The following RPTOR variants were observed in gnomAD, a reference collection of about 807,000 sequenced individuals.
The protein encoded by RPTOR is regulatory associated protein of MTOR complex 1.
A neutral mutation model predicts 169.9 loss-of-function variants in RPTOR; 21 were observed. The observed-to-expected ratio is 0.12, with a 90% CI of 0.09 to 0.18. The LOEUF (loss-of-function observed/expected upper bound fraction) is 0.18, where lower values mean the gene tolerates loss of function less well. RPTOR is among the 10% of genes least tolerant of loss of function. The pLI is 1.00. For synonymous variants in RPTOR, 732 were observed against 753.2 expected (o/e 0.97, Z 0.46); for missense variants, 1,133 against 1,855.9 (o/e 0.61, Z 7.16).
chr17:80,755,330 G>C (rs904405045), intron 6 of RPTOR, among the ~76,000 whole-genome samples: 3 of 152,186 alleles, frequency 2.0e-5, no homozygotes, highest in African/African-American at 7.2e-5. Flanking sequence ...GCTGGGTGTG[G>C]TAGCTCACAC....
chr17:80,876,251 C>CA (rs1426529451), intron 13 of RPTOR, among the ~76,000 whole-genome samples: 3 of 72,316 alleles, frequency 4.1e-5, no homozygotes, highest in Non-Finnish European at 7.8e-5. Context: ...GCCGGGTCTT[C>CA]CACCGAGCCC....
At chr17:80,918,289 G>C (rs967232096) in intron 21 of RPTOR, among the ~76,000 whole-genome samples, 1 of 152,234 alleles carries the variant, frequency 6.6e-6, no homozygotes, top group East Asian at 1.9e-4. Context: ...CGCCCATCCA[G>C]ACAGAGATGC....
intron 3 of RPTOR, among the ~76,000 whole-genome samples, chr17:80,663,447 A>T (rs896835295): frequency 6.7e-6 from 1 of 150,000 alleles, no homozygotes; most frequent in Non-Finnish European, 1.5e-5. Context: ...CTTTATTTAC[A>T]GTTTCCTCCA....
At chr17:80,611,832 T>G (rs186022767) in intron 1 of RPTOR, among the ~76,000 whole-genome samples, 1 of 151,966 alleles carries the variant, frequency 6.6e-6, no homozygotes, top group African/African-American at 2.4e-5. Flanking sequence ...CAGAGGTTTT[T>G]CCCCCCCTGT....
At position 80,823,449 on chromosome 17, in the gene RPTOR, G is replaced by A. The variant is rs962528474; in HGVS notation, c.1136+226G>A. ...CTTGGAGGGCCTTTTAGGACTGCAC[G>A]GGAGCAGCGGCCGGCTGAAGCCTCA... On this transcript the variant is annotated intron_variant, in intron 9 of 33. Coordinates refer to ENST00000306801, the MANE Select transcript of RPTOR (RefSeq NM_020761.3). This position sits in a 1 kb window ranked among gnomAD's most constrained non-coding sequence, Gnocchi z 4.5. 4.2e-5 allele frequency: 20 copies of A among 473,058 alleles called. No individual in the cohort carries two copies. Among genetic ancestry groups the A allele is most frequent in the South Asian group, 1.6e-4 (4 of 25,650 alleles). The allele number at this position is 473,058 out of a possible 1,614,324, so 29.3% of individuals were successfully genotyped here. A position where few individuals can be genotyped will look rare whatever the true frequency, so the allele number is the denominator to read the frequency against.
chr17:80,903,344 A>G (rs1162926945), intron 20 of RPTOR, among the ~76,000 whole-genome samples: 1 of 145,572 alleles, frequency 6.9e-6, no homozygotes, highest in East Asian at 1.9e-4. Context: ...GGGAGCCAGA[A>G]CTACTGCCTT....
chr17:80,806,916 A>T (rs986322223), intron 7 of RPTOR, among the ~76,000 whole-genome samples: 1 of 152,138 alleles, frequency 6.6e-6, no homozygotes, highest in Admixed American at 6.5e-5. Context: ...TTAAAAACTC[A>T]TTTCCCTTTT....
chr17:80,921,300 G>A (rs1237685195), intron 21 of RPTOR, among the ~76,000 whole-genome samples: 1 of 152,248 alleles, frequency 6.6e-6, no homozygotes, highest in Admixed American at 6.5e-5. Context: ...GGATCAGTGG[G>A]CACCTTCATG....
At chr17:80,833,702 C>T (rs10468605) in intron 9 of RPTOR, among the ~76,000 whole-genome samples, 74,611 of 152,162 alleles carry the variant, frequency 0.49, 20,379 homozygotes, top group Non-Finnish European at 0.61. Context: ...AAAAGGTTGC[C>T]GTGCAGGCCG....
At position 80,959,987 on chromosome 17, in the gene RPTOR, C is replaced by A; in HGVS notation, c.3478-91C>A. 8.6e-6 allele frequency: 13 copies of A among 1,510,462 alleles called. No homozygotes were observed. Among genetic ancestry groups the A allele is most frequent in the East Asian group, 6.8e-5 (3 of 43,984 alleles). The allele number at this position is 1,510,462 out of a possible 1,614,324, so 93.6% of individuals were successfully genotyped here. On this transcript the variant is annotated intron_variant, in intron 29 of 33. Transcript: ENST00000306801. The surrounding 1 kb of genome is among the most constrained non-coding windows in gnomAD (Gnocchi z 6.7). ...AGGGAGGGTGATCCCCACAGCCAGGCAGGCAGCAAGAGGGGTCCTGGCGCT... is the reference window on the plus strand; with the variant it reads ...AGGGAGGGTGATCCCCACAGCCAGGAAGGCAGCAAGAGGGGTCCTGGCGCT...
At position 80,708,255 on chromosome 17, in the gene RPTOR, AGTT is replaced by A. The variant is rs2066156148; in HGVS notation, c.507+260_507+262del. ...TTTATGTTCCCTCTGTAAGACCAGC[AGTT>A]GTTTGTAATTCTCCGAGGACAGACC... On this transcript the variant is annotated intron_variant, in intron 4 of 33. Coordinates refer to ENST00000306801, the MANE Select transcript of RPTOR (RefSeq NM_020761.3). The surrounding 1 kb of genome is among the most constrained non-coding windows in gnomAD (Gnocchi z 4.2). 6.6e-6 allele frequency among the ~76,000 whole-genome samples: 1 copy of A among 152,226 alleles called. No individual in the cohort carries two copies. Among genetic ancestry groups the A allele is most frequent in the Admixed American group, 6.5e-5 (1 of 15,282 alleles).
chr17:80,811,255 G>A (rs1046584409), intron 7 of RPTOR, among the ~76,000 whole-genome samples: 1 of 152,180 alleles, frequency 6.6e-6, no homozygotes, highest in Non-Finnish European at 1.5e-5. Flanking sequence ...TTGAGGAAGT[G>A]CGCTTCTAGA....
chr17:80,557,133 A>C, intron 1 of RPTOR, among the ~76,000 whole-genome samples: 1 of 152,016 alleles, frequency 6.6e-6, no homozygotes, highest in East Asian at 1.9e-4. Flanking sequence ...GACTCTTGAG[A>C]TGGATAAGAA....
intron 14 of RPTOR, 109 bp from the exon 15 acceptor site, chr17:80,883,310 A>G: frequency 1.0e-6 from 1 of 961,698 alleles, no homozygotes; most frequent in Non-Finnish European, 1.7e-6. Context: ...CGTTACTTTA[A>G]TTATGCGCCA....
chr17:80,887,252 G>A (rs1181847997), intron 17 of RPTOR, among the ~76,000 whole-genome samples: 1 of 138,044 alleles, frequency 7.2e-6, no homozygotes, highest in Non-Finnish European at 1.6e-5. Flanking sequence ...CGGGGGGTGC[G>A]CTGGCTCTGA....
At chr17:80,689,261 C>T (rs1198865094) in intron 3 of RPTOR, among the ~76,000 whole-genome samples, 2 of 152,204 alleles carry the variant, frequency 1.3e-5, no homozygotes, top group African/African-American at 4.8e-5. Context: ...CAACATTATT[C>T]CTAGAGAGGT....
At chr17:80,770,931 C>T (rs966290879) in intron 6 of RPTOR, among the ~76,000 whole-genome samples, 3 of 152,246 alleles carry the variant, frequency 2.0e-5, no homozygotes, top group African/African-American at 7.2e-5. Context: ...CACTCAGCTT[C>T]TCCCAGCATA....
chr17:80,839,626 T>C (rs553714685), intron 10 of RPTOR, among the ~76,000 whole-genome samples: 2 of 152,292 alleles, frequency 1.3e-5, no homozygotes, highest in East Asian at 3.9e-4. Context: ...ACGCCAGCTG[T>C]CCACCCTCAG....
Position 80,629,200 on chromosome 17 carries a change from G to A in RPTOR, c.265+3407G>A, listed in dbSNP as rs115760162. On this transcript the variant is annotated intron_variant, in intron 2 of 33. Transcript: ENST00000306801. ...TGGGACTCAGCTGTCTATGTATTGCGCTGTCGGACATAGTACCACAGCTCT... is the reference window on the plus strand; with the variant it reads ...TGGGACTCAGCTGTCTATGTATTGCACTGTCGGACATAGTACCACAGCTCT... Among the ~76,000 whole-genome samples, 974 of 150,530 alleles carry A rather than the reference G, an allele frequency of 6.5e-3. 14 individuals carry two copies. Among genetic ancestry groups the A allele is most frequent in the African/African-American group, 0.021 (876 of 40,752 alleles).
Sources: allele counts gnomAD v4.1 joint callset (sites outside exome capture counted in the v4.1 genomes callset), GRCh38; gene constraint gnomAD v4.1.1; non-coding constraint Gnocchi (gnomAD v3.1); transcripts MANE v1.5; gene names NCBI Gene and HGNC (gene_info 2026-07-23, HGNC 2026-07-21).